The following CRACDL variants were observed in gnomAD, a reference collection of about 807,000 sequenced individuals.
CRACDL encodes CRACD like, also known as CRACD-like protein.
Under a neutral mutation model 70.6 loss-of-function variants are expected in CRACDL, and 26 were observed. The observed-to-expected ratio is 0.37, with a 90% CI of 0.27 to 0.51. The LOEUF (loss-of-function observed/expected upper bound fraction) is 0.51, where lower values mean the gene tolerates loss of function less well. Ranked by LOEUF, CRACDL falls within the 20% of genes least tolerant of loss-of-function variation. CRACDL has a pLI of 0.94. For missense variants in CRACDL, 1,283 were observed against 1,376.9 expected (o/e 0.93, Z 1.08); for synonymous variants, 618 against 615.2 (o/e 1.00, Z -0.07).
rs114160685 is a variant in CRACDL, at chr2:98,804,962, G to C, written c.2417-7425C>G. ...AGACAATGAGAACGGACTGGACCTG[G>C]TGGGTGCCCACTAGGTGCCAGGCCC... On this transcript the variant is annotated intron_variant, in intron 7 of 9. Coordinates refer to ENST00000397899, the MANE Select transcript of CRACDL (RefSeq NM_207362.3). Among the ~76,000 whole-genome samples, 975 of 152,272 alleles carry C rather than the reference G, an allele frequency of 6.4e-3. 5 individuals carry two copies. The highest frequency in any genetic ancestry group is 0.011 in the Non-Finnish European group (732 of 68,008).
At chr2:98,911,435 G>T (rs1708545903) in intron 1 of CRACDL, among the ~76,000 whole-genome samples, 1 of 152,168 alleles carries the variant, frequency 6.6e-6, no homozygotes, top group Admixed American at 6.5e-5. Context: ...GGCTCCGCAG[G>T]GACAAGGCTG....
intron 1 of CRACDL, among the ~76,000 whole-genome samples, chr2:98,866,396 AAATG>A (rs1397307519): frequency 4.1e-4 from 62 of 151,806 alleles, no homozygotes; most frequent in Admixed American, 3.7e-3. Flanking sequence ...AAATATTGTT[AAATG>A]AATGAATGAA....
intron 1 of CRACDL, among the ~76,000 whole-genome samples, chr2:98,880,448 G>C (rs1159796555): frequency 2.0e-5 from 3 of 152,166 alleles, no homozygotes; most frequent in Non-Finnish European, 4.4e-5. Context: ...CAGGCAACTC[G>C]GAGTTGTGAC....
At chr2:98,819,819 T>C (rs953007943) in intron 7 of CRACDL, among the ~76,000 whole-genome samples, 8 of 141,148 alleles carry the variant, frequency 5.7e-5, no homozygotes, top group Non-Finnish European at 1.1e-4. Context: ...AACATTCTTT[T>C]TTTTTTTTTT....
At chr2:98,848,865 A>C (rs1706366242) in intron 1 of CRACDL, among the ~76,000 whole-genome samples, 1 of 152,230 alleles carries the variant, frequency 6.6e-6, no homozygotes, top group Admixed American at 6.5e-5. Flanking sequence ...TTGGGATTAC[A>C]GGTGTAAGCC....
intron 1 of CRACDL, among the ~76,000 whole-genome samples, chr2:98,922,535 C>T (rs1287730372): frequency 6.6e-6 from 1 of 152,214 alleles, no homozygotes; most frequent in East Asian, 1.9e-4. Context: ...GCACTGTGCC[C>T]CCTGTGCCCA....
chr2:98,880,360 T>C (rs1353035738), intron 1 of CRACDL, among the ~76,000 whole-genome samples: 2 of 152,228 alleles, frequency 1.3e-5, no homozygotes, highest in African/African-American at 4.8e-5. Flanking sequence ...GCTTACCCTG[T>C]GCTAGGCGCT....
intron 6 of CRACDL, among the ~76,000 whole-genome samples, chr2:98,824,892 G>T (rs1009381698): frequency 2.0e-5 from 3 of 152,224 alleles, no homozygotes; most frequent in African/African-American, 4.8e-5. Context: ...TTCAAAAGCT[G>T]CAGGTTCTTT....
At chr2:98,866,473 TTC>T (rs1283343066) in intron 1 of CRACDL, among the ~76,000 whole-genome samples, 2 of 58,232 alleles carry the variant, frequency 3.4e-5, no homozygotes, top group African/African-American at 9.1e-5. Flanking sequence ...CAATCACTTC[TTC>T]TTTTTTTTTT....
chr2:98,900,944 T>C (rs945027439), intron 1 of CRACDL, among the ~76,000 whole-genome samples: 5 of 152,082 alleles, frequency 3.3e-5, no homozygotes, highest in Admixed American at 1.3e-4. Flanking sequence ...TCTATAATGG[T>C]GCCAGGAGGC....
chr2:98,933,541 A>T (rs1045770782), intron 1 of CRACDL, among the ~76,000 whole-genome samples: 3 of 152,132 alleles, frequency 2.0e-5, no homozygotes, highest in Non-Finnish European at 1.5e-5. Context: ...ACTTACACAA[A>T]ATTTTGCACC....
At chr2:98,835,970 T>C (rs2104509340) in intron 3 of CRACDL, among the ~76,000 whole-genome samples, 1 of 152,286 alleles carries the variant, frequency 6.6e-6, no homozygotes, top group South Asian at 2.1e-4. Flanking sequence ...CAGCACCTGC[T>C]TGAACCTGAC....
At chr2:98,849,369 C>T (rs1030575299) in intron 1 of CRACDL, among the ~76,000 whole-genome samples, 3 of 152,130 alleles carry the variant, frequency 2.0e-5, no homozygotes, top group African/African-American at 7.2e-5. Context: ...GAAAAGTGTC[C>T]TTGTTGGGAA....
At position 98,830,163 on chromosome 2, in the gene CRACDL, T is replaced by A. The variant is rs1282758718; in HGVS notation, c.540+2185A>T. 3.3e-5 allele frequency among the ~76,000 whole-genome samples: 5 copies of A among 152,374 alleles called. No homozygotes were observed. The East Asian group carries it at 9.6e-4, about 29-fold the overall frequency. ...GCAGGACAACTAGAATATGACCAGT[T>A]AGACATCATTTTATCTTAAAAACCA... On this transcript the variant is annotated intron_variant, in intron 5 of 9. Transcript: ENST00000397899.
Position 98,823,062 on chromosome 2 carries a change from G to A in CRACDL, c.1211C>T (p.Thr404Ile). Residue 404 changes from threonine to isoleucine, a missense_variant, in exon 7 of 10, where the codon ACC (threonine) becomes ATC (isoleucine). Physicochemically the swap from Thr to Ile is moderately conservative, Grantham distance 89. Around this residue, in one of 2 missense-constraint regions of CRACDL, gnomAD observed 921 missense variants for 881.9 expected, o/e 1.04. Transcript: ENST00000397899. The surrounding 1 kb of genome is among the most constrained non-coding windows in gnomAD (Gnocchi z 4.0). ...AGTCGTGTCCCCCTCAGGGATGGCG[G>A]TGGGAAACGGGCTCGCGACGTCTTC... is the stretch of plus-strand genomic sequence containing the variant. ...APEDVASPFP[T>I]AIPEGDTTPP... 2 of 1,568,764 alleles carry A rather than the reference G, an allele frequency of 1.3e-6. No individual in the cohort carries two copies. The highest frequency in any genetic ancestry group is 1.7e-6 in the Non-Finnish European group (2 of 1,160,498).
chr2:98,872,580 G>A (rs1180745217), intron 1 of CRACDL, among the ~76,000 whole-genome samples: 1 of 152,098 alleles, frequency 6.6e-6, no homozygotes, highest in African/African-American at 2.4e-5. Flanking sequence ...ACCTGCACTT[G>A]TACCCCCAGA....
At chr2:98,856,467 G>T (rs532585324) in intron 1 of CRACDL, among the ~76,000 whole-genome samples, 3 of 152,168 alleles carry the variant, frequency 2.0e-5, no homozygotes, top group African/African-American at 7.2e-5. Context: ...ATTAAAGGAA[G>T]TTCTTCTGGC....
chr2:98,852,078 G>A (rs1706504069), intron 1 of CRACDL, among the ~76,000 whole-genome samples: 1 of 152,104 alleles, frequency 6.6e-6, no homozygotes, highest in South Asian at 2.1e-4. Flanking sequence ...TAATCTTATG[G>A]GCTTGATGAA....
At chr2:98,871,630 C>A (rs1707349608) in intron 1 of CRACDL, among the ~76,000 whole-genome samples, 1 of 152,220 alleles carries the variant, frequency 6.6e-6, no homozygotes, top group South Asian at 2.1e-4. Context: ...GTATCAAAAC[C>A]TGCTGCTCTA....
Sources: allele counts gnomAD v4.1 joint callset (sites outside exome capture counted in the v4.1 genomes callset), GRCh38; gene constraint gnomAD v4.1.1; regional missense constraint gnomAD v4.1.1; non-coding constraint Gnocchi (gnomAD v3.1); transcripts MANE v1.5; gene names NCBI Gene and HGNC (gene_info 2026-07-23, HGNC 2026-07-21).